The following RUNX1 variants were observed in gnomAD, a reference collection of about 807,000 sequenced individuals.
RUNX1 encodes the protein RUNX family transcription factor 1, also known as runt-related transcription factor 1.
In RUNX1, 19 loss-of-function variants were observed where a neutral mutation model predicts 42.8. The ratio of observed to expected loss-of-function variants is 0.44; its 90% CI spans 0.31 to 0.65. The LOEUF is 0.65. RUNX1 is among the 30% of genes least tolerant of loss of function. RUNX1 has a pLI of 0.07. For synonymous variants in RUNX1, 271 were observed against 289.4 expected (o/e 0.94, Z 0.64); for missense variants, 528 against 672.0 (o/e 0.79, Z 2.37).
At chr21:35,046,724 T>C (rs1278225911) in intron 2 of RUNX1, among the ~76,000 whole-genome samples, 1 of 152,134 alleles carries the variant, frequency 6.6e-6, no homozygotes, top group African/African-American at 2.4e-5. Context: ...TTGGATGAAA[T>C]TAACCAGGAA....
At chr21:35,015,092 A>T (rs551700726) in intron 2 of RUNX1, among the ~76,000 whole-genome samples, 1 of 152,326 alleles carries the variant, frequency 6.6e-6, no homozygotes, top group Admixed American at 6.5e-5. Flanking sequence ...GGAGTGAATA[A>T]GCGCGGAGAT....
At chr21:34,941,596 T>A (rs1043786426) in intron 2 of RUNX1, among the ~76,000 whole-genome samples, 1 of 152,228 alleles carries the variant, frequency 6.6e-6, no homozygotes, top group African/African-American at 2.4e-5. Context: ...TTCTCATGTA[T>A]GACATGTTAA....
At chr21:34,946,541 C>A (rs2058564326) in intron 2 of RUNX1, among the ~76,000 whole-genome samples, 1 of 152,082 alleles carries the variant, frequency 6.6e-6, no homozygotes. Context: ...AGGTGCTGTA[C>A]TTTTCCATAG....
intron 3 of RUNX1, chr21:34,889,589 C>T (rs1453152519): frequency 1.1e-6 from 1 of 898,286 alleles, no homozygotes; most frequent in Non-Finnish European, 1.4e-6. Flanking sequence ...CTGCCCGGGC[C>T]CCGCGTCTCC....
At chr21:34,811,540 CTA>C (rs2056758897) in intron 7 of RUNX1, among the ~76,000 whole-genome samples, 1 of 152,206 alleles carries the variant, frequency 6.6e-6, no homozygotes, top group East Asian at 1.9e-4. Context: ...GTCTTTCACT[CTA>C]TGTGATTCCC....
At position 34,974,204 on chromosome 21, in the gene RUNX1, A is replaced by G. The variant is rs1002188515; in HGVS notation, c.58+74638T>C. On this transcript the variant is annotated intron_variant, in intron 2 of 8. Transcript: ENST00000675419. ...TTTCTGTCATCTTAATCATCACACG[A>G]GCAAGACTACTCAACACCCAGGCCT... Among the ~76,000 whole-genome samples the G allele has an allele frequency of 5.3e-5, 8 of 152,220 alleles. No individual in the cohort carries two copies. The East Asian group carries it at 1.5e-3, about 29-fold the overall frequency.
At chr21:34,879,545 GTTGT>G (rs2057864629) in intron 5 of RUNX1, among the ~76,000 whole-genome samples, 1 of 151,878 alleles carries the variant, frequency 6.6e-6, no homozygotes, top group South Asian at 2.1e-4. Flanking sequence ...TATTTTAAAT[GTTGT>G]TTGATTGGTG....
intron 7 of RUNX1, among the ~76,000 whole-genome samples, chr21:34,814,803 T>G (rs2056802885): frequency 6.6e-6 from 1 of 152,184 alleles, no homozygotes; most frequent in Non-Finnish European, 1.5e-5. Context: ...TCTGGGGGCC[T>G]GATAACATCA....
intron 2 of RUNX1, among the ~76,000 whole-genome samples, chr21:35,010,461 G>A (rs534087021): frequency 6.6e-6 from 1 of 152,246 alleles, no homozygotes; most frequent in African/African-American, 2.4e-5. Flanking sequence ...CATGTCCTTT[G>A]TTGACGAGAA....
chr21:34,896,025 C>T lies in RUNX1; in HGVS notation c.59-3062G>A, dbSNP rs374334042. Reference sequence around the variant, plus strand: ...AGGTGAGGGAGGGGGAGGAGTCTCCCCAGCATCTGTCCTTTAATAGTAGTA... The same window carrying T: ...AGGTGAGGGAGGGGGAGGAGTCTCCTCAGCATCTGTCCTTTAATAGTAGTA... On this transcript the variant is annotated intron_variant, in intron 2 of 8. Transcript: ENST00000675419. 5.0e-3 allele frequency among the ~76,000 whole-genome samples: 756 copies of T among 151,806 alleles called. 11 individuals are homozygous for T. The highest frequency in any genetic ancestry group is 0.045 in the South Asian group (217 of 4,798).
chr21:34,859,360 A>C, intron 6 of RUNX1, 114 bp downstream of exon 6: 1 of 889,726 alleles, frequency 1.1e-6, no homozygotes, highest in Non-Finnish European at 1.9e-6. Context: ...GGGGCCTGAC[A>C]TCCCCCTGGG....
At chr21:34,806,094 AT>A (rs2056675669) in intron 7 of RUNX1, among the ~76,000 whole-genome samples, 1 of 152,226 alleles carries the variant, frequency 6.6e-6, no homozygotes, top group African/African-American at 2.4e-5. Flanking sequence ...GGTGCAACAA[AT>A]ATAAAAGTTA....
chr21:34,935,977 T>C (rs1435084247), intron 2 of RUNX1, among the ~76,000 whole-genome samples: 2 of 152,166 alleles, frequency 1.3e-5, no homozygotes, highest in South Asian at 2.1e-4. Flanking sequence ...TGTTTATACA[T>C]AGCACACGGC....
At chr21:35,012,680 G>T (rs889988707) in intron 2 of RUNX1, among the ~76,000 whole-genome samples, 2 of 152,058 alleles carry the variant, frequency 1.3e-5, no homozygotes, top group East Asian at 3.9e-4. Flanking sequence ...AAATCTCTGA[G>T]CATGACTTTG....
Position 34,880,651 on chromosome 21 carries a change from T to A in RUNX1, c.414A>T (p.Glu138Asp), listed in dbSNP as rs771823558. 1.6e-5 allele frequency: 26 copies of A among 1,614,000 alleles called. No individual in the cohort carries two copies. The highest frequency in any genetic ancestry group is 2.2e-5 in the Non-Finnish European group (26 of 1,180,022). The change falls in exon 5 of 9, where the codon GAA becomes GAT. Residue 138 changes from glutamate (E) to aspartate (D), a missense_variant. Coordinates refer to ENST00000675419, the MANE Select transcript of RUNX1 (RefSeq NM_001754.5). The part of the protein sequence containing the change: ...TLVTVMAGND[E>D]NYSAELRNAT... ...CATTTCTCAGCTCAGCCGAGTAGTT[T>A]TCATCATTGCCAGCCATCACAGTGA...
At chr21:34,975,702 T>C (rs1424668055) in intron 2 of RUNX1, among the ~76,000 whole-genome samples, 3 of 152,012 alleles carry the variant, frequency 2.0e-5, no homozygotes, top group East Asian at 1.9e-4. Flanking sequence ...AGAAGGCTTC[T>C]AGCTAGGGAA....
intron 2 of RUNX1, among the ~76,000 whole-genome samples, chr21:35,007,241 G>A (rs570055660): frequency 1.2e-4 from 18 of 152,304 alleles, no homozygotes; most frequent in African/African-American, 4.1e-4. Flanking sequence ...GCTACAGAAC[G>A]TTCATCTGCG....
intron 5 of RUNX1, among the ~76,000 whole-genome samples, chr21:34,867,862 A>G (rs1294196781): frequency 6.6e-6 from 1 of 152,154 alleles, no homozygotes; most frequent in Non-Finnish European, 1.5e-5. Flanking sequence ...CAGATTTACC[A>G]GTCTTCACTC....
intron 2 of RUNX1, among the ~76,000 whole-genome samples, chr21:34,983,416 T>C (rs1376480626): frequency 6.6e-6 from 1 of 152,262 alleles, no homozygotes; most frequent in East Asian, 1.9e-4. Context: ...TTTATTACTC[T>C]ACTACAGAGC....
Sources: allele counts gnomAD v4.1 joint callset (sites outside exome capture counted in the v4.1 genomes callset), GRCh38; gene constraint gnomAD v4.1.1; transcripts MANE v1.5; gene names NCBI Gene and HGNC (gene_info 2026-07-23, HGNC 2026-07-21).